Variants in PCCB observed in about 807,000 individuals in gnomAD.
PCCB encodes the protein propionyl-CoA carboxylase subunit beta.
In PCCB, 43 loss-of-function variants were observed where a neutral mutation model predicts 60.7. The observed-to-expected ratio is 0.71, with a 90% CI of 0.55 to 0.91. The LOEUF is 0.91. PCCB is among the 40% of genes least tolerant of loss of function. PCCB has a pLI of 0.00. For synonymous variants in PCCB, 276 were observed against 255.9 expected (o/e 1.08, Z -0.75); for missense variants, 766 against 702.8 (o/e 1.09, Z -1.02).
rs1198278808 is a variant in PCCB at position 136,256,611 on chromosome 3, T to C, written c.360T>C (p.Tyr120=). The stretch of plus-strand genomic sequence containing the variant: ...GCCGAATCAATGGAAGATTGGTTTA[T>C]GTCTTCAGTCAGGTATTTCATAACT... ...GRGRINGRLV[Y]VFSQDFTVFG... is the part of the protein sequence containing the mutation. Residue 120 remains tyrosine, a synonymous_variant, in exon 3 of 15, where the codon TAT becomes TAC. Coordinates refer to ENST00000251654, the MANE Select transcript of PCCB (RefSeq NM_000532.5). The C allele has an allele frequency of 1.2e-6, 2 of 1,610,006 alleles. No individual in the cohort carries two copies. The highest frequency in any genetic ancestry group is 1.7e-6 in the Non-Finnish European group (2 of 1,176,180).
At chr3:136,307,638 AAAG>A (rs1353380895) in intron 9 of PCCB, among the ~76,000 whole-genome samples, 4 of 152,062 alleles carry the variant, frequency 2.6e-5, no homozygotes, top group Non-Finnish European at 4.4e-5. Flanking sequence ...AAATAAAAAA[AAAG>A]GTAAAAGACA....
intron 8 of PCCB, among the ~76,000 whole-genome samples, chr3:136,299,328 TTG>T (rs546819299): frequency 8.9e-4 from 135 of 152,084 alleles, no homozygotes; most frequent in Non-Finnish European, 1.4e-3. Flanking sequence ...GTATACATAT[TTG>T]TGCATACACA....
Position 136,255,322 on chromosome 3 carries a change from G to C in PCCB, c.184-534G>C, listed in dbSNP as rs190498214. 1.6e-4 allele frequency: 30 copies of C among 193,504 alleles called. No homozygotes were observed. The East Asian group carries it at 3.8e-3, about 24-fold the overall frequency. 12.0% of individuals were successfully genotyped at this position (193,504 alleles called of 1,614,324 possible). ...GGGTCCCTAAACAGGGGATAGGATAGTAGGAGAAGGAGAAGCCCACAGAGG... is the reference window on the plus strand; with the variant it reads ...GGGTCCCTAAACAGGGGATAGGATACTAGGAGAAGGAGAAGCCCACAGAGG... On this transcript the variant is annotated intron_variant, in intron 1 of 14. Coordinates refer to ENST00000251654, the MANE Select transcript of PCCB (RefSeq NM_000532.5).
chr3:136,298,123 T>C, intron 8 of PCCB, 51 bp downstream of exon 8: 2 of 1,612,294 alleles, frequency 1.2e-6, no homozygotes, highest in Non-Finnish European at 1.7e-6. Flanking sequence ...TAGCTTGCCT[T>C]TCTCTGCCCT....
intron 7 of PCCB, among the ~76,000 whole-genome samples, chr3:136,294,441 A>G (rs985981254): frequency 6.6e-6 from 1 of 151,016 alleles, no homozygotes; most frequent in African/African-American, 2.4e-5. Flanking sequence ...ACTCTTGGGT[A>G]GCTAGGACTA....
chr3:136,280,579 C>T (rs928194823), intron 5 of PCCB, among the ~76,000 whole-genome samples: 1 of 152,214 alleles, frequency 6.6e-6, no homozygotes, highest in African/African-American at 2.4e-5. Flanking sequence ...CTCGTAGACT[C>T]AAGCAGTTCA....
At chr3:136,288,778 C>T (rs1019758234) in intron 6 of PCCB, among the ~76,000 whole-genome samples, 2 of 152,030 alleles carry the variant, frequency 1.3e-5, no homozygotes, top group Non-Finnish European at 2.9e-5. Context: ...AGGCACATGC[C>T]AACACACCTG....
At chr3:136,262,147 C>T in intron 5 of PCCB, 82 bp downstream of exon 5, 2 of 864,676 alleles carry the variant, frequency 2.3e-6, no homozygotes, top group Non-Finnish European at 3.8e-6. Context: ...TTCTCCAACT[C>T]TCCTCATTGT....
chr3:136,305,318 C>A (rs1287865998), intron 9 of PCCB, among the ~76,000 whole-genome samples: 1 of 119,388 alleles, frequency 8.4e-6, no homozygotes, highest in African/African-American at 2.5e-5. Flanking sequence ...TCTCAAACTC[C>A]TGGCTTCAAG....
intron 9 of PCCB, among the ~76,000 whole-genome samples, chr3:136,306,961 TAAG>T (rs1187382402): frequency 8.2e-6 from 1 of 121,830 alleles, no homozygotes; most frequent in Non-Finnish European, 1.8e-5. Context: ...ATTTTTAAAA[TAAG>T]GAGAAATACT....
At chr3:136,280,125 T>G (rs1166944530) in intron 5 of PCCB, among the ~76,000 whole-genome samples, 2 of 152,156 alleles carry the variant, frequency 1.3e-5, no homozygotes, top group African/African-American at 4.8e-5. Flanking sequence ...GAAGTTACAT[T>G]TATTAGTGTT....
chr3:136,271,483 C>T (rs1942200170), intron 5 of PCCB, among the ~76,000 whole-genome samples: 1 of 152,174 alleles, frequency 6.6e-6, no homozygotes, highest in Non-Finnish European at 1.5e-5. Flanking sequence ...TTCTTACCTC[C>T]ATGAGCATGA....
At chr3:136,263,219 C>T (rs574519543) in intron 5 of PCCB, among the ~76,000 whole-genome samples, 1 of 148,104 alleles carries the variant, frequency 6.8e-6, no homozygotes, top group African/African-American at 2.5e-5. Context: ...TCCTAAAGTG[C>T]TGGGATTACA....
intron 9 of PCCB, among the ~76,000 whole-genome samples, chr3:136,308,317 T>C (rs949424126): frequency 5.3e-5 from 8 of 151,396 alleles, no homozygotes; most frequent in African/African-American, 1.9e-4. Context: ...CACCGCAACT[T>C]CCACCTCCCA....
At chr3:136,310,487 A>G (rs893376981) in intron 9 of PCCB, among the ~76,000 whole-genome samples, 2 of 152,124 alleles carry the variant, frequency 1.3e-5, no homozygotes, top group Admixed American at 1.3e-4. Context: ...GTGCCACGGC[A>G]CTCTACCCTG....
Position 136,261,940 on chromosome 3 carries a change from C to A in PCCB, c.430-12C>A. ...ACATTTGTCTCAATAAAAGATTTCT[C>A]TGCTGTCTCAGATCATGGACCAGGC... is the stretch of plus-strand genomic sequence containing the variant. On this transcript the variant is annotated splice_polypyrimidine_tract_variant and intron_variant, in intron 4 of 14. Coordinates refer to ENST00000251654, the MANE Select transcript of PCCB (RefSeq NM_000532.5). 1 of 1,494,464 alleles carries A rather than the reference C, an allele frequency of 6.7e-7. No individual in the cohort carries two copies. The highest frequency in any genetic ancestry group is 1.2e-5 in the South Asian group (1 of 82,980). The allele number at this position is 1,494,464 out of a possible 1,614,324, so 92.6% of individuals were successfully genotyped here. A position where few individuals can be genotyped will look rare whatever the true frequency, so the allele number is the denominator to read the frequency against.
chr3:136,286,910 A>G (rs1560012116), intron 6 of PCCB, among the ~76,000 whole-genome samples: 2 of 152,038 alleles, frequency 1.3e-5, no homozygotes. Context: ...ACGTGCTTGT[A>G]ATACCAGCTA....
At chr3:136,279,932 C>T (rs1290271829) in intron 5 of PCCB, among the ~76,000 whole-genome samples, 1 of 152,176 alleles carries the variant, frequency 6.6e-6, no homozygotes, top group African/African-American at 2.4e-5. Flanking sequence ...TCCCAAAGTG[C>T]TGGGATTACA....
At chr3:136,252,048 T>C (rs1000565167) in intron 1 of PCCB, among the ~76,000 whole-genome samples, 1 of 151,818 alleles carries the variant, frequency 6.6e-6, no homozygotes, top group Non-Finnish European at 1.5e-5. Context: ...TGGCAACTTT[T>C]TTTTTGTATT....
Sources: gnomAD v4.1 joint callset for allele counts (sites outside exome capture counted in the v4.1 genomes callset) on GRCh38, gnomAD v4.1.1 for gene constraint, MANE v1.5 for transcripts, NCBI Gene and HGNC (gene_info 2026-07-23, HGNC 2026-07-21) for gene names.